Variants in RCSD1 observed in about 807,000 individuals in gnomAD.
RCSD1 encodes the protein capZ-interacting protein.
A neutral mutation model predicts 42.5 loss-of-function variants in RCSD1; 26 were observed. The ratio of observed to expected loss-of-function variants is 0.61; its 90% CI spans 0.45 to 0.85. The LOEUF is 0.85. Among genes scored for constraint, RCSD1 ranks in the 40% least tolerant of loss-of-function variants. RCSD1 has a pLI of 0.00. For missense variants in RCSD1, 571 were observed against 528.3 expected (o/e 1.08, Z -0.79); for synonymous variants, 220 against 212.2 (o/e 1.04, Z -0.32).
intron 1 of RCSD1, among the ~76,000 whole-genome samples, chr1:167,674,600 A>G (rs1433857803): frequency 2.6e-5 from 4 of 152,238 alleles, no homozygotes; most frequent in African/African-American, 9.6e-5. Flanking sequence ...AAAAGAAGAA[A>G]GCCTGTAGGC....
At chr1:167,652,018 C>CT (rs66622527) in intron 1 of RCSD1, among the ~76,000 whole-genome samples, 1,378 of 108,074 alleles carry the variant, frequency 0.013, 50 homozygotes, top group African/African-American at 0.038. Flanking sequence ...CTCTGTTCAT[C>CT]TTTTTTTTTT....
At chr1:167,679,335 G>A (rs1659025171) in intron 1 of RCSD1, among the ~76,000 whole-genome samples, 1 of 152,204 alleles carries the variant, frequency 6.6e-6, no homozygotes, top group Non-Finnish European at 1.5e-5. Context: ...AGGTACTCTG[G>A]TAGATGAGCA....
intron 5 of RCSD1, among the ~76,000 whole-genome samples, chr1:167,695,207 C>A (rs1421940444): frequency 6.6e-6 from 1 of 152,226 alleles, no homozygotes; most frequent in Non-Finnish European, 1.5e-5. Flanking sequence ...TGATGGAGAC[C>A]CCTGAAGGCA....
chr1:167,642,407 A>G (rs1005470422), intron 1 of RCSD1, among the ~76,000 whole-genome samples: 2 of 152,250 alleles, frequency 1.3e-5, no homozygotes, highest in East Asian at 3.8e-4. Flanking sequence ...GATTGAAATG[A>G]AAACTGCTTC....
In RCSD1 at chr1:167,684,612, C is replaced by T. The variant is rs148516388; in HGVS notation, c.108+611C>T. Among the ~76,000 whole-genome samples the T allele has an allele frequency of 9.1e-3, 1,376 of 152,038 alleles. 21 individuals carry two copies. Among genetic ancestry groups the T allele is most frequent in the African/African-American group, 0.032 (1,328 of 41,444 alleles). On this transcript the variant is annotated intron_variant, in intron 2 of 6. Transcript: ENST00000367854. ...TGAGGGGGCCGGGCACGGTGGCTCA[C>T]GCCTGTAATTTCAGCACTTTGGGAG... is the stretch of plus-strand genomic sequence containing the variant.
Position 167,675,452 on chromosome 1 carries a change from A to G in RCSD1, c.7-8448A>G, listed in dbSNP as rs555664153. Among the ~76,000 whole-genome samples the G allele has an allele frequency of 8.5e-5, 13 of 152,208 alleles. No individual in the cohort carries two copies. The East Asian group carries it at 2.5e-3, about 29-fold the overall frequency. On this transcript the variant is annotated intron_variant, in intron 1 of 6. Transcript: ENST00000367854. The stretch of plus-strand genomic sequence containing the variant: ...CTACCATGAGAACAGCATGGGAAAC[A>G]ACTGCTCCCATAATTCAATTACCTC...
At chr1:167,634,046 G>A (rs186474758) in intron 1 of RCSD1, among the ~76,000 whole-genome samples, 2 of 152,262 alleles carry the variant, frequency 1.3e-5, no homozygotes, top group Admixed American at 6.5e-5. Context: ...GAATGAGCAC[G>A]GTGCCTGGCA....
chr1:167,658,297 A>G (rs1014937155), intron 1 of RCSD1, among the ~76,000 whole-genome samples: 5 of 152,242 alleles, frequency 3.3e-5, no homozygotes, highest in African/African-American at 4.8e-5. Context: ...GTGTACATAG[A>G]GATACACACA....
At chr1:167,647,786 T>C (rs1030466141) in intron 1 of RCSD1, among the ~76,000 whole-genome samples, 3 of 152,132 alleles carry the variant, frequency 2.0e-5, no homozygotes, top group Admixed American at 6.5e-5. Flanking sequence ...AAAAATTCTT[T>C]CTAGAAAACC....
chr1:167,662,551 T>C (rs2102215115), intron 1 of RCSD1, among the ~76,000 whole-genome samples: 1 of 152,356 alleles, frequency 6.6e-6, no homozygotes, highest in African/African-American at 2.4e-5. Context: ...CTATAATTGC[T>C]TGTGGACACC....
chr1:167,686,852 TG>T (rs1254912997), intron 3 of RCSD1, among the ~76,000 whole-genome samples: 2 of 152,246 alleles, frequency 1.3e-5, no homozygotes, highest in East Asian at 3.8e-4. Flanking sequence ...AATGTGAGAC[TG>T]CCCCCTGATA....
At chr1:167,638,865 C>T (rs1173432100) in intron 1 of RCSD1, among the ~76,000 whole-genome samples, 2 of 152,136 alleles carry the variant, frequency 1.3e-5, no homozygotes, top group Non-Finnish European at 2.9e-5. Flanking sequence ...CGAAATTGAA[C>T]ATAAGCAATT....
At chr1:167,661,777 C>T (rs1658548462) in intron 1 of RCSD1, among the ~76,000 whole-genome samples, 1 of 152,240 alleles carries the variant, frequency 6.6e-6, no homozygotes, top group Non-Finnish European at 1.5e-5. Context: ...AAAAGAGATT[C>T]CTCATGCCTT....
chr1:167,688,882 A>G (rs911505026), intron 3 of RCSD1, among the ~76,000 whole-genome samples: 2 of 152,180 alleles, frequency 1.3e-5, no homozygotes, highest in African/African-American at 4.8e-5. Context: ...GTCCAACCAC[A>G]TGGAAGTCAT....
rs541276421 is a variant in RCSD1, at chr1:167,707,699, C to T, written c.*3003C>T. Among the ~76,000 whole-genome samples, 6 of 151,950 alleles carry T rather than the reference C, an allele frequency of 3.9e-5. No homozygotes were observed. The highest frequency in any genetic ancestry group is 4.2e-4 in the South Asian group (2 of 4,816). ...TTTTTTTGAATGAGACAGAGTCTCGCGCTGTCACTCAGGCTGGAGTGCAGT... is the reference window on the plus strand; with the variant it reads ...TTTTTTTGAATGAGACAGAGTCTCGTGCTGTCACTCAGGCTGGAGTGCAGT... On this transcript the variant is annotated 3_prime_UTR_variant, in exon 7 of 7. Transcript: ENST00000367854.
chr1:167,672,698 C>T (rs1193045218), intron 1 of RCSD1, among the ~76,000 whole-genome samples: 3 of 152,188 alleles, frequency 2.0e-5, no homozygotes, highest in Non-Finnish European at 1.5e-5. Context: ...GCCTTAATTC[C>T]ATCTGTAACC....
At chr1:167,640,084 C>T (rs771173934) in intron 1 of RCSD1, among the ~76,000 whole-genome samples, 5 of 152,212 alleles carry the variant, frequency 3.3e-5, no homozygotes, top group Non-Finnish European at 7.3e-5. Context: ...CTCCAGGCTG[C>T]TATACAGTGC....
rs141736488 is a variant in RCSD1, at chr1:167,706,969, G to C, written c.*2273G>C. 5.4e-3 allele frequency among the ~76,000 whole-genome samples: 818 copies of C among 152,320 alleles called. 2 individuals carry two copies. The highest frequency in any genetic ancestry group is 0.017 in the Middle Eastern group (5 of 294). On this transcript the variant is annotated 3_prime_UTR_variant, in exon 7 of 7. Coordinates refer to ENST00000367854, the MANE Select transcript of RCSD1 (RefSeq NM_052862.4). The stretch of plus-strand genomic sequence containing the variant: ...TCTTTCAGGCTTCCATAATGGGTTT[G>C]AAAGAAAACACGGATTCTTCTACAG...
intron 1 of RCSD1, among the ~76,000 whole-genome samples, chr1:167,678,760 TG>T (rs1298931080): frequency 3.1e-4 from 47 of 152,324 alleles, no homozygotes; most frequent in Non-Finnish European, 7.3e-5. Flanking sequence ...TGAGGCCCAA[TG>T]TAGCTGGCCT....
Sources: allele counts gnomAD v4.1 joint callset (sites outside exome capture counted in the v4.1 genomes callset), GRCh38; gene constraint gnomAD v4.1.1; transcripts MANE v1.5; gene names NCBI Gene and HGNC (gene_info 2026-07-23, HGNC 2026-07-21).